The following PCSK4 variants were observed in gnomAD, a reference collection of about 807,000 sequenced individuals.
The protein encoded by PCSK4 is proprotein convertase subtilisin/kexin type 4.
A neutral mutation model predicts 80.3 loss-of-function variants in PCSK4; 64 were observed. The ratio of observed to expected loss-of-function variants is 0.80; its 90% CI spans 0.65 to 0.98. PCSK4 has a LOEUF of 0.98. PCSK4 is among the 50% of genes least tolerant of loss of function. The probability of loss-of-function intolerance (pLI) is 0.00; values close to 1 mark genes in which losing one functional copy is unlikely to be tolerated. For missense variants in PCSK4, 1,213 were observed against 1,093.6 expected (o/e 1.11, Z -1.54); for synonymous variants, 561 against 487.6 (o/e 1.15, Z -1.98).
At chr19:1,481,530 G>T (rs1398017327) in exon 15 of PCSK4, 5 of 418,254 alleles carry the variant, frequency 1.2e-5, no homozygotes, top group Non-Finnish European at 2.1e-5. Context: ...GGCTTTTGGG[G>T]TGCTCCAGCC....
In PCSK4 at chr19:1,483,649, C is replaced by G. The variant is rs1188094998; in HGVS notation, c.1391+1G>C. The G allele has an allele frequency of 6.3e-7, 1 of 1,583,262 alleles. No homozygotes were observed. Among genetic ancestry groups the G allele is most frequent in the Non-Finnish European group, 8.5e-7 (1 of 1,170,316 alleles). On this transcript the variant is annotated splice_donor_variant, in intron 11 of 14. Transcript: ENST00000300954. LOFTEE classifies it high-confidence loss of function. ...AGCGGAGGGGCGCGCAGGGGTCTCA[C>G]GTGGGGCGGCTCTGGACCCGGACGG...
chr19:1,487,087 G>A, intron 7 of PCSK4, 22 bp from the exon 8 acceptor site: 1 of 1,602,446 alleles, frequency 6.2e-7, no homozygotes, highest in Non-Finnish European at 8.5e-7. Context: ...GGAGGGGCGG[G>A]GAGGGGGCGT....
chr19:1,484,031 C>A, exon 9 of PCSK4: 1 of 1,543,648 alleles, frequency 6.5e-7, no homozygotes. Context: ...ACCTACTTGG[C>A]CTCCAGCGCT....
rs551176925 is a variant in PCSK4, at chr19:1,490,092, G to A, written c.189+66C>T. ...AGACCTTGTGGGCTCCCTCCCCCTT[G>A]TCGGGGTCTAGGGTTGTTCAGTCCC... On this transcript the variant is annotated intron_variant, in intron 1 of 14. Transcript: ENST00000300954. The A allele has an allele frequency of 3.0e-4, 474 of 1,582,590 alleles. 3 individuals carry two copies. In the South Asian group the frequency reaches 5.2e-3, roughly 17 times the overall value.
intron 2 of PCSK4, among the ~76,000 whole-genome samples, chr19:1,488,741 C>A (rs968846334): frequency 2.0e-5 from 3 of 152,068 alleles, no homozygotes; most frequent in African/African-American, 7.2e-5. Flanking sequence ...CCACCATGCC[C>A]GGCTAATTTT....
rs201802941 is a variant in PCSK4 at position 1,487,057 on chromosome 19, G to A, written c.864C>T (p.Gly288=). 192 of 1,605,572 alleles carry A rather than the reference G, an allele frequency of 1.2e-4. No individual in the cohort carries two copies. The East Asian group carries it at 2.0e-3, about 17-fold the overall frequency. ...CCCAGATGAAGAGCGTGCCCAGCCC[G>A]CCGCGGCCCTGGGAAACCAGGAGGG... Residue 288 remains glycine, a synonymous_variant, in exon 8 of 15, where the codon GGC becomes GGT. Coordinates refer to ENST00000300954, the Ensembl canonical transcript of PCSK4.
At chr19:1,490,050 G>C (rs927524514) in intron 1 of PCSK4, 108 bp downstream of exon 1, 118 of 1,524,472 alleles carry the variant, frequency 7.7e-5, no homozygotes, top group Non-Finnish European at 1.0e-4. Flanking sequence ...GGTGGGCTGG[G>C]ACTCTTGATA....
exon 15 of PCSK4, chr19:1,481,670 T>A: frequency 1.1e-6 from 1 of 924,924 alleles, no homozygotes; most frequent in South Asian, 2.2e-5. Context: ...TGGTGCTCGC[T>A]CCTCTGGGGC....
intron 1 of PCSK4, 71 bp from the exon 2 acceptor site, chr19:1,489,968 C>T (rs1276135631): frequency 6.5e-7 from 1 of 1,542,472 alleles, no homozygotes; most frequent in Non-Finnish European, 8.8e-7. Flanking sequence ...GGGCCGGTAA[C>T]AGCCCCCTTC....
chr19:1,485,751 G>T (rs2084569998), intron 8 of PCSK4, among the ~76,000 whole-genome samples: 1 of 151,694 alleles, frequency 6.6e-6, no homozygotes, highest in African/African-American at 2.4e-5. Context: ...GGCACCTGTA[G>T]TCCCAGCTAC....
chr19:1,482,864 C>T, intron 13 of PCSK4, 32 bp downstream of exon 13: 1 of 1,607,050 alleles, frequency 6.2e-7, no homozygotes, highest in Non-Finnish European at 8.5e-7. Flanking sequence ...GAGAGCCAAG[C>T]CCCGCCCACC....
Position 1,486,862 on chromosome 19 carries a change from G to A in PCSK4, c.1059C>T (p.Asp353=), listed in dbSNP as rs577276194. ...GGGCGGCTGCACTCACGATCTGGGG[G>A]TCGGTGGCCACGCCGCTGCTGTAGG... Residue 353 remains aspartate, a synonymous_variant, in exon 8 of 15, where the codon GAC becomes GAT. Coordinates refer to ENST00000300954, the Ensembl canonical transcript of PCSK4. 2.5e-6 allele frequency: 4 copies of A among 1,596,992 alleles called. No homozygotes were observed. In the African/African-American group the frequency reaches 4.0e-5, roughly 16 times the overall value.
exon 5 of PCSK4, chr19:1,487,817 G>T: frequency 6.3e-7 from 1 of 1,578,170 alleles, no homozygotes. Context: ...AGCGGGGCTG[G>T]GGGTCCGGGT....
rs1020244419 is a variant in PCSK4, at chr19:1,483,780, G to A, written c.1274-13C>T. 1.9e-6 allele frequency: 3 copies of A among 1,567,524 alleles called. No individual in the cohort carries two copies. Among genetic ancestry groups the A allele is most frequent in the Non-Finnish European group, 8.6e-7 (1 of 1,165,442 alleles). On this transcript the variant is annotated splice_polypyrimidine_tract_variant and intron_variant, in intron 10 of 14. Transcript: ENST00000300954. Reference sequence around the variant, plus strand: ...TAGTGATGGCTCACTGCGCGGAAGGGCAGCAGTCACTCGCCCCGTGGGCCC... The same window carrying A: ...TAGTGATGGCTCACTGCGCGGAAGGACAGCAGTCACTCGCCCCGTGGGCCC...
At chr19:1,485,466 G>A (rs2084553098) in intron 8 of PCSK4, among the ~76,000 whole-genome samples, 1 of 152,174 alleles carries the variant, frequency 6.6e-6, no homozygotes, top group Non-Finnish European at 1.5e-5. Flanking sequence ...TCAAGAGGCT[G>A]AGGCACAAGA....
chr19:1,484,449 C>T (rs1247417304), intron 8 of PCSK4, among the ~76,000 whole-genome samples: 3 of 150,980 alleles, frequency 2.0e-5, no homozygotes, highest in Non-Finnish European at 3.0e-5. Context: ...ATCACACCCA[C>T]GCCACTGCAC....
exon 10 of PCSK4, chr19:1,483,862 T>A: frequency 6.7e-7 from 1 of 1,497,374 alleles, no homozygotes. Flanking sequence ...CCGTTGGTCC[T>A]CCAGTCCTCG....
At chr19:1,484,685 CACCTGTA>C (rs1382963924) in intron 8 of PCSK4, among the ~76,000 whole-genome samples, 1 of 151,772 alleles carries the variant, frequency 6.6e-6, no homozygotes, top group Non-Finnish European at 1.5e-5. Flanking sequence ...GGTGGCGGGG[CACCTGTA>C]ATCCCAGCTA....
At chr19:1,483,558 C>T in intron 11 of PCSK4, 92 bp downstream of exon 11, 1 of 1,411,986 alleles carries the variant, frequency 7.1e-7, no homozygotes, top group Non-Finnish European at 9.6e-7. Context: ...TCACGGGGTC[C>T]AGCCCTCGTT....
Sources: allele counts gnomAD v4.1 joint callset (sites outside exome capture counted in the v4.1 genomes callset), GRCh38; gene constraint gnomAD v4.1.1; transcripts MANE v1.5; gene names NCBI Gene and HGNC (gene_info 2026-07-23, HGNC 2026-07-21).